LIG1: variants seen among roughly 807,000 people sequenced by gnomAD.
LIG1 encodes the protein ligase I, DNA, ATP-dependent.
LIG1 carries 70 observed loss-of-function variants against 115.7 expected under a neutral mutation model. The observed-to-expected ratio is 0.60, with a 90% CI of 0.50 to 0.74. The LOEUF (loss-of-function observed/expected upper bound fraction) is 0.74. Among genes scored for constraint, LIG1 ranks in the 30% least tolerant of loss-of-function variants. LIG1 has a pLI of 0.00. For missense variants in LIG1, 1,115 were observed against 1,225.6 expected, an observed-to-expected ratio of 0.91 and a Z score of 1.35; for synonymous variants, 487 against 495.3, an observed-to-expected ratio of 0.98 and a Z score of 0.22.
Position 48,151,284 on chromosome 19 carries a change from T to C in LIG1, c.522A>G (p.Glu174=). The C allele has an allele frequency of 6.2e-7, 1 of 1,613,832 alleles. No homozygotes were observed. The change falls in exon 7 of 28, where the codon GAA becomes GAG. Residue 174 remains glutamate (E), a synonymous_variant. Transcript: ENST00000263274. ...LTEAEVATEK[E]GEDGDQPTTP... ...TGGTGGGCTGGTCCCCGTCTTCTCC[T>C]TCCTTCTCTGTGGCCACTTCAGCCT...
chr19:48,160,727 T>C (rs2036122905), intron 4 of LIG1, among the ~76,000 whole-genome samples: 1 of 151,778 alleles, frequency 6.6e-6, no homozygotes, highest in Non-Finnish European at 1.5e-5. Flanking sequence ...TTTTGAACCC[T>C]TATTTTTTTG....
rs2033169580 is a variant in LIG1 at position 48,120,224 on chromosome 19, A to G, written c.2385+946T>C. ...CACAGCCACGGGGAGCTGGTTCAGG[A>G]CACAGCACTATGTGCTATGGGGCAC... On this transcript the variant is annotated intron_variant, in intron 24 of 27. Transcript: ENST00000263274. The G allele has an allele frequency of 1.9e-5, 19 of 985,434 alleles. No individual in the cohort carries two copies. The South Asian group carries it at 2.3e-4, about 12-fold the overall frequency. The allele number at this position is 985,434 out of a possible 1,614,324, so 61.0% of individuals were successfully genotyped here.
At chr19:48,136,178 G>T in intron 14 of LIG1, 53 bp from the exon 15 acceptor site, 1 of 1,345,098 alleles carries the variant, frequency 7.4e-7, no homozygotes, top group Non-Finnish European at 1.0e-6. Context: ...CCCCAATCTT[G>T]CCTCCTCCCT....
At position 48,137,414 on chromosome 19, in the gene LIG1, G is replaced by T; in HGVS notation, c.1254+108C>A. ...AGGAAGCTGTGCACCCCATGAGAAG[G>T]ACTGATGCGACCCAGCTGATGGTCT... On this transcript the variant is annotated intron_variant, in intron 13 of 27. Coordinates refer to ENST00000263274, the MANE Select transcript of LIG1 (RefSeq NM_000234.3). This position sits in a 1 kb window ranked among gnomAD's most constrained non-coding sequence, Gnocchi z 4.3. 7.2e-7 allele frequency: 1 copy of T among 1,391,712 alleles called. No individual in the cohort carries two copies. The highest frequency in any genetic ancestry group is 9.9e-7 in the Non-Finnish European group (1 of 1,012,486). The allele number at this position is 1,391,712 out of a possible 1,614,324, so 86.2% of individuals were successfully genotyped here.
intron 17 of LIG1, chr19:48,133,591 C>T: frequency 3.1e-6 from 1 of 325,600 alleles, no homozygotes; most frequent in Non-Finnish European, 6.0e-6. Flanking sequence ...TGACCCACTG[C>T]CTTCTGGCCC....
At chr19:48,116,565 C>A (rs1170538306) in intron 26 of LIG1, among the ~76,000 whole-genome samples, 2 of 152,040 alleles carry the variant, frequency 1.3e-5, no homozygotes, top group South Asian at 2.1e-4. Context: ...CTGTGGGATT[C>A]CAATCCCAGC....
At position 48,157,126 on chromosome 19, in the gene LIG1, G is replaced by C. The variant is rs762561221; in HGVS notation, c.258C>G (p.Asp86Glu). 6.2e-7 allele frequency: 1 copy of C among 1,611,984 alleles called. No homozygotes were observed. The highest frequency in any genetic ancestry group is 2.2e-5 in the East Asian group (1 of 44,810). ...SPAKGQKPAL[D>E]CSQVSPPRPA... ...GACGGGGCGGGGAGACCTGTGAGCA[G>C]TCCAGGGCAGGCTTCTGGAAGAGGA... The change falls in exon 5 of 28, where the codon GAC becomes GAG. Residue 86 changes from aspartate (D) to glutamate (E), a missense_variant. Transcript: ENST00000263274.
At chr19:48,135,611 C>A (rs1474100973) in intron 16 of LIG1, 69 bp downstream of exon 16, 1 of 1,275,276 alleles carries the variant, frequency 7.8e-7, no homozygotes, top group African/African-American at 1.5e-5. Flanking sequence ...CACTGCTCCT[C>A]TGGCTCCACC....
chr19:48,135,046 T>C (rs1162016278), intron 16 of LIG1, among the ~76,000 whole-genome samples: 2 of 152,204 alleles, frequency 1.3e-5, no homozygotes, highest in African/African-American at 4.8e-5. Flanking sequence ...CATGTGTCAG[T>C]CACCTGCTCC....
intron 16 of LIG1, 127 bp downstream of exon 16, chr19:48,135,553 C>G: frequency 1.2e-6 from 1 of 801,632 alleles, no homozygotes; most frequent in East Asian, 2.4e-5. Context: ...CTCAGTCACC[C>G]CGTGACCGGC....
At chr19:48,158,144 T>C (rs2035965845) in intron 4 of LIG1, among the ~76,000 whole-genome samples, 1 of 152,250 alleles carries the variant, frequency 6.6e-6, no homozygotes. Flanking sequence ...ATACTTCTTG[T>C]ATAGCCTGCA....
rs769556030 is a variant in LIG1 at position 48,117,647 on chromosome 19, C to T, written c.2574G>A (p.Ala858=). Residue 858 remains alanine, a synonymous_variant, in exon 26 of 28, where the codon GCG becomes GCA. Coordinates refer to ENST00000263274, the MANE Select transcript of LIG1 (RefSeq NM_000234.3). ...DLSLSPIYPA[A]RGLVDSDKGI... is the part of the protein sequence containing the mutation. Reference sequence around the variant, plus strand: ...GTCCTCTGCCACTCACCAGGCCCCGCGCAGCAGGGTAGATGGGAGAGAGGG... The same window carrying T: ...GTCCTCTGCCACTCACCAGGCCCCGTGCAGCAGGGTAGATGGGAGAGAGGG... 7.4e-6 allele frequency: 12 copies of T among 1,612,538 alleles called. No homozygotes were observed. The highest frequency in any genetic ancestry group is 4.4e-5 in the South Asian group (4 of 90,744).
chr19:48,144,424 C>T (rs895665245), intron 9 of LIG1, among the ~76,000 whole-genome samples: 6 of 152,244 alleles, frequency 3.9e-5, no homozygotes, highest in South Asian at 4.1e-4. Context: ...GAGGGAGGTG[C>T]GTATAGTCCC....
At chr19:48,164,083 T>C (rs947990287) in intron 2 of LIG1, among the ~76,000 whole-genome samples, 3 of 151,890 alleles carry the variant, frequency 2.0e-5, no homozygotes, top group Non-Finnish European at 4.4e-5. Context: ...CGGATCATAG[T>C]AATGTATGAT....
At position 48,115,862 on chromosome 19, in the gene LIG1, C is replaced by T. The variant is rs1232042683; in HGVS notation, c.2676+11G>A. 6.2e-7 allele frequency: 1 copy of T among 1,612,510 alleles called. No homozygotes were observed. The highest frequency in any genetic ancestry group is 1.1e-5 in the South Asian group (1 of 91,044). ...AGCTGGGCGGCCCACCCCTGCTTCC[C>T]AGGACCTCACCTGAGCACTGGTGGT... On this transcript the variant is annotated intron_variant, in intron 27 of 27. Coordinates refer to ENST00000263274, the MANE Select transcript of LIG1 (RefSeq NM_000234.3).
At position 48,151,257 on chromosome 19, in the gene LIG1, C is replaced by T. The variant is rs776520713; in HGVS notation, c.549G>A (p.Thr183=). ...KEGEDGDQPT[T]PPKPLKTSKA... Reference sequence around the variant, plus strand: ...TGGAGGTCTTTAGGGGCTTGGGAGGCGTGGTGGGCTGGTCCCCGTCTTCTC... The same window carrying T: ...TGGAGGTCTTTAGGGGCTTGGGAGGTGTGGTGGGCTGGTCCCCGTCTTCTC... The change falls in exon 7 of 28, where the codon ACG becomes ACA. Residue 183 remains threonine (T), a synonymous_variant. Transcript: ENST00000263274. The T allele has an allele frequency of 1.1e-5, 17 of 1,613,246 alleles. No individual in the cohort carries two copies. The highest frequency in any genetic ancestry group is 1.6e-4 in the Middle Eastern group (1 of 6,082).
chr19:48,124,466 A>T (rs549707151), intron 21 of LIG1, among the ~76,000 whole-genome samples: 103 of 152,212 alleles, frequency 6.8e-4, no homozygotes, highest in South Asian at 1.7e-3. Context: ...AGCCCGTGCT[A>T]CCCAGTGTAG....
rs147089262 is a variant in LIG1, at chr19:48,159,366, G to A, written c.243+2006C>T. The stretch of plus-strand genomic sequence containing the variant: ...ATTACAGGCGTGAGCCATCATGCCT[G>A]GCCAGATGAATATTTTAAACACTGC... On this transcript the variant is annotated intron_variant, in intron 4 of 27. Transcript: ENST00000263274. 4.3e-4 allele frequency among the ~76,000 whole-genome samples: 65 copies of A among 152,096 alleles called. 2 individuals are homozygous for A. In the East Asian group the frequency reaches 0.012, roughly 28 times the overall value.
intron 21 of LIG1, chr19:48,123,605 C>A (rs910726698): frequency 2.0e-6 from 1 of 492,254 alleles, no homozygotes; most frequent in Non-Finnish European, 3.7e-6. Flanking sequence ...ACGGGCATCT[C>A]ATCAGTTTTG....
Sources: gnomAD v4.1 joint callset for allele counts (sites outside exome capture counted in the v4.1 genomes callset) on GRCh38, gnomAD v4.1.1 for gene constraint, Gnocchi (gnomAD v3.1) non-coding constraint, MANE v1.5 for transcripts, NCBI Gene and HGNC (gene_info 2026-07-23, HGNC 2026-07-21) for gene names.